The following GRAMD2A variants were observed in gnomAD, a reference collection of about 807,000 sequenced individuals.
GRAMD2A encodes the protein GRAM domain containing 2A.
Under a neutral mutation model 51.1 loss-of-function variants are expected in GRAMD2A, and 37 were observed. The observed-to-expected ratio is 0.72, with a 90% CI of 0.56 to 0.95. GRAMD2A has a LOEUF of 0.95. GRAMD2A is among the 40% of genes least tolerant of loss of function. GRAMD2A has a pLI of 0.00. For missense variants in GRAMD2A, 414 were observed against 426.9 expected, an observed-to-expected ratio of 0.97 and a Z score of 0.27; for synonymous variants, 136 against 157.1, an observed-to-expected ratio of 0.87 and a Z score of 1.01.
intron 1 of GRAMD2A, among the ~76,000 whole-genome samples, chr15:72,185,551 A>G (rs1190197609): frequency 6.6e-6 from 1 of 152,276 alleles, no homozygotes; most frequent in Non-Finnish European, 1.5e-5. Context: ...ATGTTCCAAC[A>G]GGGTGCACGT....
intron 1 of GRAMD2A, among the ~76,000 whole-genome samples, chr15:72,179,556 C>G (rs780956833): frequency 3.9e-5 from 6 of 152,174 alleles, no homozygotes; most frequent in African/African-American, 9.6e-5. Context: ...TAGGAGAGCA[C>G]GAACTGGCTC....
At chr15:72,193,788 A>G (rs889974746) in intron 1 of GRAMD2A, among the ~76,000 whole-genome samples, 1 of 152,156 alleles carries the variant, frequency 6.6e-6, no homozygotes, top group African/African-American at 2.4e-5. Context: ...AGCCTCCCAA[A>G]GTGCTGGGAT....
At chr15:72,162,195 A>G in intron 11 of GRAMD2A, 78 bp downstream of exon 11, 1 of 1,381,938 alleles carries the variant, frequency 7.2e-7, no homozygotes, top group South Asian at 1.2e-5. Context: ...AAGTCCAGCC[A>G]GGCAGCCTGG....
chr15:72,192,843 G>A (rs1490840383), intron 1 of GRAMD2A, among the ~76,000 whole-genome samples: 3 of 152,166 alleles, frequency 2.0e-5, no homozygotes, highest in Non-Finnish European at 4.4e-5. Context: ...TGGTTCAGTC[G>A]GCCAGGTGCA....
chr15:72,180,259 G>A (rs571907088), intron 1 of GRAMD2A, among the ~76,000 whole-genome samples: 7 of 152,340 alleles, frequency 4.6e-5, no homozygotes, highest in South Asian at 4.1e-4. Flanking sequence ...TGCTGGCTTC[G>A]TCCCATCATG....
intron 1 of GRAMD2A, among the ~76,000 whole-genome samples, chr15:72,177,062 G>C (rs1188801774): frequency 6.6e-6 from 1 of 151,028 alleles, no homozygotes; most frequent in Non-Finnish European, 1.5e-5. Flanking sequence ...TAGAGATAAG[G>C]TCTTGCTCTG....
In GRAMD2A at chr15:72,166,795, C is replaced by T; in HGVS notation, c.472-92G>A. 1 of 1,132,774 alleles carries T rather than the reference C, an allele frequency of 8.8e-7. No homozygotes were observed. The highest frequency in any genetic ancestry group is 1.3e-6 in the Non-Finnish European group (1 of 753,490). 70.2% of individuals were successfully genotyped at this position (1,132,774 alleles called of 1,614,324 possible). On this transcript the variant is annotated intron_variant, in intron 6 of 11. Transcript: ENST00000309731. The surrounding 1 kb of genome is among the most constrained non-coding windows in gnomAD (Gnocchi z 4.1). The stretch of plus-strand genomic sequence containing the variant: ...CCCTTGTGGATTGGGCACAGGCCCA[C>T]AGGGGTATCAGGCCATGAGAGCCAA...
intron 1 of GRAMD2A, among the ~76,000 whole-genome samples, chr15:72,193,825 C>T (rs1012276294): frequency 5.3e-5 from 8 of 152,206 alleles, no homozygotes; most frequent in African/African-American, 1.4e-4. Flanking sequence ...CGCGCCAGGC[C>T]GTGCATTTCT....
chr15:72,165,482 C>T, intron 7 of GRAMD2A, 72 bp from the exon 8 acceptor site: 1 of 1,451,020 alleles, frequency 6.9e-7, no homozygotes. Flanking sequence ...GAAGCATCAG[C>T]CCTCTCCAAG....
At chr15:72,178,244 A>G (rs1447325823) in intron 1 of GRAMD2A, among the ~76,000 whole-genome samples, 1 of 152,058 alleles carries the variant, frequency 6.6e-6, no homozygotes. Context: ...AGGGAACCCC[A>G]CTGTCAATAA....
intron 1 of GRAMD2A, among the ~76,000 whole-genome samples, chr15:72,176,854 CTTTTTTTTTTTTTTTT>C (rs60618044): frequency 4.2e-5 from 3 of 72,174 alleles, no homozygotes; most frequent in African/African-American, 1.6e-4. Flanking sequence ...ACCTGCAGTG[CTTTTTTTTTTTTTTTT>C]TTTTTTTTTA....
intron 1 of GRAMD2A, among the ~76,000 whole-genome samples, chr15:72,195,753 C>G (rs1183392790): frequency 6.6e-6 from 1 of 152,086 alleles, no homozygotes; most frequent in Non-Finnish European, 1.5e-5. Context: ...AACCCCGTCT[C>G]TACTAAAAAA....
chr15:72,175,702 C>G (rs2081647504), intron 1 of GRAMD2A: 1 of 152,318 alleles, frequency 6.6e-6, no homozygotes, highest in Admixed American at 6.5e-5. Context: ...GCTGCCCCAG[C>G]ACTTACCACA....
In GRAMD2A at chr15:72,162,380, G is replaced by A. The variant is rs750077732; in HGVS notation, c.957-3C>T. On this transcript the variant is annotated splice_region_variant and splice_polypyrimidine_tract_variant and intron_variant, in intron 10 of 11. Transcript: ENST00000309731. ...AGGACATGACCAGGAAGCAGATCCT[G>A]AAGAAAGCGGCAATACGGAGTTAAA... 3.9e-5 allele frequency: 62 copies of A among 1,598,170 alleles called. No individual in the cohort carries two copies. Among genetic ancestry groups the A allele is most frequent in the Admixed American group, 6.7e-5 (4 of 59,674 alleles).
intron 1 of GRAMD2A, among the ~76,000 whole-genome samples, chr15:72,185,131 AAAGTATATGT>A (rs1307029734): frequency 6.6e-6 from 1 of 152,210 alleles, no homozygotes; most frequent in African/African-American, 2.4e-5. Context: ...ATACAGTTAT[AAAGTATATGT>A]GGGAAAATAC....
At chr15:72,171,868 C>T (rs867149778) in intron 1 of GRAMD2A, among the ~76,000 whole-genome samples, 12 of 146,440 alleles carry the variant, frequency 8.2e-5, no homozygotes, top group Middle Eastern at 7.4e-3. Context: ...CTCTCTCTGT[C>T]GCCCAGGCTG....
chr15:72,183,121 C>T (rs141893953), intron 1 of GRAMD2A, among the ~76,000 whole-genome samples: 51 of 152,094 alleles, frequency 3.4e-4, no homozygotes, highest in African/African-American at 1.1e-3. Context: ...GATCCTTCTG[C>T]CTCAGCCTCC....
intron 1 of GRAMD2A, among the ~76,000 whole-genome samples, chr15:72,171,355 A>G (rs2081608318): frequency 6.6e-6 from 1 of 152,096 alleles, no homozygotes; most frequent in South Asian, 2.1e-4. Context: ...AAAATCACCT[A>G]AAGATTCCCC....
At chr15:72,172,561 T>C (rs1439249294) in intron 1 of GRAMD2A, among the ~76,000 whole-genome samples, 1 of 151,870 alleles carries the variant, frequency 6.6e-6, no homozygotes, top group African/African-American at 2.4e-5. Flanking sequence ...GGATTACAGG[T>C]ACCTGCCATC....
Sources: allele counts gnomAD v4.1 joint callset (sites outside exome capture counted in the v4.1 genomes callset), GRCh38; gene constraint gnomAD v4.1.1; non-coding constraint Gnocchi (gnomAD v3.1); transcripts MANE v1.5; gene names NCBI Gene and HGNC (gene_info 2026-07-23, HGNC 2026-07-21).